The following DAB1 variants were observed in gnomAD, a reference collection of about 807,000 sequenced individuals.
DAB1 encodes disabled homolog 1.
Under a neutral mutation model 64.6 loss-of-function variants are expected in DAB1, and 15 were observed. The observed-to-expected ratio is 0.23, with a 90% confidence interval of 0.16 to 0.36. The LOEUF (loss-of-function observed/expected upper bound fraction) is 0.36. DAB1 is among the 10% of genes least tolerant of loss of function. The pLI is 1.00. For synonymous variants in DAB1, 235 were observed against 251.9 expected, an observed-to-expected ratio of 0.93 and a Z score of 0.64; for missense variants, 596 against 706.7, an observed-to-expected ratio of 0.84 and a Z score of 1.78.
chr1:58,344,906 C>T (rs756779083), intron 3 of DAB1, among the ~76,000 whole-genome samples: 1 of 152,156 alleles, frequency 6.6e-6, no homozygotes, highest in Admixed American at 6.6e-5. Context: ...TTTCTCACTA[C>T]CTTTCCCAAA....
intron 2 of DAB1, among the ~76,000 whole-genome samples, chr1:57,230,583 C>G (rs72921356): frequency 0.02 from 3,104 of 152,162 alleles, 95 homozygotes; most frequent in African/African-American, 0.069. Context: ...TGAAGCCAGA[C>G]AAACCACGGT....
At chr1:57,247,853 A>T (rs917497590) in intron 2 of DAB1, among the ~76,000 whole-genome samples, 1 of 152,018 alleles carries the variant, frequency 6.6e-6, no homozygotes, top group Non-Finnish European at 1.5e-5. Flanking sequence ...CCCCATGAAA[A>T]CCTTGGAAGC....
intron 2 of DAB1, among the ~76,000 whole-genome samples, chr1:57,165,791 A>T (rs1357532475): frequency 6.6e-6 from 1 of 152,078 alleles, no homozygotes; most frequent in East Asian, 1.9e-4. Flanking sequence ...TTTGCTTTCC[A>T]CTCTACCTCT....
At chr1:57,983,486 C>A (rs754124566) in intron 5 of DAB1, among the ~76,000 whole-genome samples, 1 of 152,104 alleles carries the variant, frequency 6.6e-6, no homozygotes, top group Non-Finnish European at 1.5e-5. Context: ...AGCCTGGGCA[C>A]AGAACTGCCT....
At chr1:57,901,858 TGAGATTG>T (rs1452331322) in intron 5 of DAB1, among the ~76,000 whole-genome samples, 1 of 152,102 alleles carries the variant, frequency 6.6e-6, no homozygotes, top group East Asian at 1.9e-4. Context: ...CCAAATGATG[TGAGATTG>T]GAGAATTCAC....
intron 3 of DAB1, among the ~76,000 whole-genome samples, chr1:58,498,578 A>G (rs888865492): frequency 1.2e-4 from 19 of 152,174 alleles, no homozygotes; most frequent in African/African-American, 4.6e-4. Flanking sequence ...AAAGAAATAC[A>G]ACAAGGATAA....
intron 4 of DAB1, among the ~76,000 whole-genome samples, chr1:58,205,064 T>G (rs1570481329): frequency 6.6e-6 from 1 of 152,274 alleles, no homozygotes; most frequent in East Asian, 1.9e-4. Context: ...GTCAAAATGG[T>G]TGAAGTCACT....
At chr1:57,087,482 G>A (rs1369575889) in intron 4 of DAB1, among the ~76,000 whole-genome samples, 2 of 152,206 alleles carry the variant, frequency 1.3e-5, no homozygotes, top group Non-Finnish European at 2.9e-5. Flanking sequence ...GCAGAAGGAG[G>A]CAGCTCCAGA....
intron 4 of DAB1, among the ~76,000 whole-genome samples, chr1:58,192,298 A>C (rs905674338): frequency 1.3e-5 from 2 of 152,228 alleles, no homozygotes; most frequent in African/African-American, 4.8e-5. Flanking sequence ...TAGGGGGTAC[A>C]AGTGCAGATT....
chr1:58,022,790 C>T lies in DAB1; in HGVS notation n.387+127721G>A, dbSNP rs370294339. On this transcript the variant is annotated intron_variant and non_coding_transcript_variant, in intron 5 of 20. Coordinates refer to the DAB1 transcript ENST00000485760. ...ATTTCTATTACATCTTTGTATCTAG[C>T]CAAAGTTTTAATTTTAAGTTCCGGT... is the stretch of plus-strand genomic sequence containing the variant. 1.4e-3 allele frequency among the ~76,000 whole-genome samples: 210 copies of T among 152,218 alleles called. 9 individuals carry two copies. In the South Asian group the frequency reaches 0.042, roughly 30 times the overall value.
chr1:57,032,404 G>A (rs549193383), intron 9 of DAB1, among the ~76,000 whole-genome samples: 60 of 152,222 alleles, frequency 3.9e-4, no homozygotes, highest in Admixed American at 1.3e-4. Flanking sequence ...GAAGCACAGG[G>A]GGTTATGAAA....
chr1:58,079,020 G>C (rs983490471), intron 5 of DAB1, among the ~76,000 whole-genome samples: 26 of 152,176 alleles, frequency 1.7e-4, no homozygotes, highest in Admixed American at 1.7e-3. Flanking sequence ...GGAAGAGCAG[G>C]CACCTCATTC....
At chr1:58,303,224 T>C (rs1040735849) in intron 4 of DAB1, among the ~76,000 whole-genome samples, 1 of 152,134 alleles carries the variant, frequency 6.6e-6, no homozygotes, top group Non-Finnish European at 1.5e-5. Flanking sequence ...TCCCTGATCC[T>C]GGGCTCTGGG....
chr1:57,123,985 T>C (rs1266901978), intron 4 of DAB1, among the ~76,000 whole-genome samples: 1 of 152,128 alleles, frequency 6.6e-6, no homozygotes, highest in Non-Finnish European at 1.5e-5. Flanking sequence ...ATAATACTTT[T>C]ATAAACTGAA....
intron 2 of DAB1, among the ~76,000 whole-genome samples, chr1:57,191,497 G>A (rs752910295): frequency 6.6e-6 from 1 of 151,990 alleles, no homozygotes; most frequent in Non-Finnish European, 1.5e-5. Flanking sequence ...CTTAGATTCT[G>A]TCAAAGCAAA....
intron 5 of DAB1, among the ~76,000 whole-genome samples, chr1:57,941,226 A>G (rs1381386990): frequency 6.6e-6 from 1 of 152,200 alleles, no homozygotes; most frequent in Admixed American, 6.5e-5. Context: ...ATAACACATT[A>G]ATAATAATGC....
chr1:58,133,161 C>G (rs1283196074), intron 5 of DAB1, among the ~76,000 whole-genome samples: 1 of 152,202 alleles, frequency 6.6e-6, no homozygotes, highest in Admixed American at 6.5e-5. Context: ...GCTTTCTGTT[C>G]TGGTTGCACA....
chr1:57,131,784 C>T (rs1017233610), intron 4 of DAB1, among the ~76,000 whole-genome samples: 2 of 152,168 alleles, frequency 1.3e-5, no homozygotes, highest in African/African-American at 4.8e-5. Context: ...TCCTGGGCCA[C>T]TCTCACCTCC....
At chr1:57,085,179 T>A (rs925028811) in intron 4 of DAB1, among the ~76,000 whole-genome samples, 6 of 152,178 alleles carry the variant, frequency 3.9e-5, no homozygotes, top group African/African-American at 1.4e-4. Flanking sequence ...TAATGTTTCA[T>A]CAATGGTGAA....
Sources: allele counts gnomAD v4.1 joint callset (sites outside exome capture counted in the v4.1 genomes callset), GRCh38; gene constraint gnomAD v4.1.1; transcripts MANE v1.5; gene names NCBI Gene and HGNC (gene_info 2026-07-23, HGNC 2026-07-21).